The following MMP17 variants were observed in gnomAD, a reference collection of about 807,000 sequenced individuals.
MMP17 encodes the protein matrix metalloproteinase-17.
In MMP17, 54 loss-of-function variants were observed where a neutral mutation model predicts 49.1. The observed-to-expected ratio is 1.10, with a 90% confidence interval of 0.88 to 1.38. The LOEUF (loss-of-function observed/expected upper bound fraction) is 1.38. Among genes scored for constraint, MMP17 ranks in the 40% most tolerant of loss-of-function variants. The probability of loss-of-function intolerance (pLI) is 0.00; values close to 1 mark genes in which losing one functional copy is unlikely to be tolerated. For missense variants in MMP17, 837 were observed against 853.7 expected, an observed-to-expected ratio of 0.98 and a Z score of 0.24; for synonymous variants, 397 against 383.1, an observed-to-expected ratio of 1.04 and a Z score of -0.42.
chr12:131,848,969 G>A (rs768740902), intron 8 of MMP17, among the ~76,000 whole-genome samples: 3 of 152,148 alleles, frequency 2.0e-5, no homozygotes, highest in African/African-American at 7.2e-5. Context: ...TATTTTTGAC[G>A]TTTTGGGGAG....
chr12:131,846,365 T>G lies in MMP17; in HGVS notation c.1204+916T>G, dbSNP rs989710883. Among the ~76,000 whole-genome samples, 2 of 151,988 alleles carry G rather than the reference T, an allele frequency of 1.3e-5. No individual in the cohort carries two copies. Among genetic ancestry groups the G allele is most frequent in the Non-Finnish European group, 2.9e-5 (2 of 68,004 alleles). ...TTGATTCAGGTCCCCTAGTCCTGTT[T>G]GTTTTTTGTTTTTTGTTTTTTGTTT... On this transcript the variant is annotated intron_variant, in intron 8 of 9. Transcript: ENST00000360564. This position sits in a 1 kb window ranked among gnomAD's most constrained non-coding sequence, Gnocchi z 4.6.
At chr12:131,839,686 G>A (rs1028042920) in intron 3 of MMP17, among the ~76,000 whole-genome samples, 12 of 152,248 alleles carry the variant, frequency 7.9e-5, no homozygotes, top group East Asian at 5.8e-4. Flanking sequence ...GGTGGCTCAC[G>A]CCTGTAATCA....
At chr12:131,847,186 G>C (rs1887748309) in intron 8 of MMP17, among the ~76,000 whole-genome samples, 1 of 151,976 alleles carries the variant, frequency 6.6e-6, no homozygotes, top group African/African-American at 2.4e-5. Context: ...GCCGAGGCGG[G>C]CAGATTACAA....
rs1159089921 is a variant in MMP17 at position 131,844,555 on chromosome 12, G to A, written c.968+474G>A. 2.6e-5 allele frequency: 6 copies of A among 230,582 alleles called. No homozygotes were observed. In the East Asian group the frequency reaches 8.8e-4, roughly 34 times the overall value. 14.3% of individuals were successfully genotyped at this position (230,582 alleles called of 1,614,324 possible). On this transcript the variant is annotated intron_variant, in intron 6 of 9. Transcript: ENST00000360564. Reference sequence around the variant, plus strand: ...CCACAGCAACTGGATTCCCAGTGAAGTTGTCTTGAGAGCTGGTATTGCCAG... The same window carrying A: ...CCACAGCAACTGGATTCCCAGTGAAATTGTCTTGAGAGCTGGTATTGCCAG...
At chr12:131,835,536 C>A (rs1321976520) in intron 1 of MMP17, among the ~76,000 whole-genome samples, 1 of 152,216 alleles carries the variant, frequency 6.6e-6, no homozygotes, top group Admixed American at 6.5e-5. Context: ...CACCGTGAAC[C>A]CCACAGAGTA....
intron 1 of MMP17, among the ~76,000 whole-genome samples, chr12:131,832,705 G>A (rs995912255): frequency 8.5e-5 from 13 of 152,062 alleles, no homozygotes; most frequent in African/African-American, 1.2e-4. Context: ...GGGACAGGAC[G>A]GGGTGTGGAG....
At position 131,846,233 on chromosome 12, in the gene MMP17, C is replaced by T. The variant is rs1887696920; in HGVS notation, c.1204+784C>T. ...CTCTGGAGGCTGTCCCAGGCCTCTC[C>T]CACATCCAGTGTCACCCTCAGCCAC... On this transcript the variant is annotated intron_variant, in intron 8 of 9. Transcript: ENST00000360564. The surrounding 1 kb of genome is among the most constrained non-coding windows in gnomAD (Gnocchi z 4.6). 6.6e-6 allele frequency among the ~76,000 whole-genome samples: 1 copy of T among 152,288 alleles called. No homozygotes were observed. Among genetic ancestry groups the T allele is most frequent in the South Asian group, 2.1e-4 (1 of 4,818 alleles).
Position 131,851,308 on chromosome 12 carries a change from G to A in MMP17, c.*34G>A, listed in dbSNP as rs2136349079. 1.5e-6 allele frequency: 2 copies of A among 1,358,932 alleles called. No homozygotes were observed. Among genetic ancestry groups the A allele is most frequent in the East Asian group, 3.0e-5 (1 of 33,176 alleles). 84.2% of individuals were successfully genotyped at this position (1,358,932 alleles called of 1,614,324 possible). ...GCGAGCCCATGAGAGGACAGAGGCG[G>A]TGGGACAGCCTGGCCACAGAGGGCA... On this transcript the variant is annotated 3_prime_UTR_variant, in exon 10 of 10. Coordinates refer to ENST00000360564, the MANE Select transcript of MMP17 (RefSeq NM_016155.7).
chr12:131,845,586 T>C, intron 8 of MMP17, 137 bp downstream of exon 8: 2 of 1,213,944 alleles, frequency 1.6e-6, no homozygotes, highest in Non-Finnish European at 2.2e-6. Flanking sequence ...CTGGTTTGCT[T>C]GTGCACTCAG....
chr12:131,850,464 C>T (rs1312129493), intron 9 of MMP17, among the ~76,000 whole-genome samples: 1 of 152,242 alleles, frequency 6.6e-6, no homozygotes, highest in African/African-American at 2.4e-5. Context: ...TAGAAGAAAC[C>T]TCCCCACAGG....
At chr12:131,847,155 G>A (rs568947096) in intron 8 of MMP17, among the ~76,000 whole-genome samples, 2 of 150,866 alleles carry the variant, frequency 1.3e-5, no homozygotes, top group East Asian at 3.9e-4. Flanking sequence ...GCTCACGCCT[G>A]CAATCCCAGC....
At chr12:131,845,668 G>A (rs953377882) in intron 8 of MMP17, among the ~76,000 whole-genome samples, 3 of 152,220 alleles carry the variant, frequency 2.0e-5, no homozygotes, top group Admixed American at 6.5e-5. Context: ...AGGGCAAAAC[G>A]ATGGAAAGCC....
At position 131,832,444 on chromosome 12, in the gene MMP17, A is replaced by G. The variant is rs185674695; in HGVS notation, c.159+3791A>G. 5.2e-3 allele frequency among the ~76,000 whole-genome samples: 781 copies of G among 151,372 alleles called. 7 individuals are homozygous for G. Among genetic ancestry groups the G allele is most frequent in the African/African-American group, 0.018 (729 of 41,186 alleles). On this transcript the variant is annotated intron_variant, in intron 1 of 9. Transcript: ENST00000360564. ...GGCACTGCAGGGTGTTCCCTGACAC[A>G]GTGTCTTCCTGGGGGTTCCAGGGGC...
At chr12:131,847,007 G>A (rs997220571) in intron 8 of MMP17, among the ~76,000 whole-genome samples, 1 of 151,986 alleles carries the variant, frequency 6.6e-6, no homozygotes, top group Admixed American at 6.6e-5. Context: ...CAGCTACCTG[G>A]GAGGCTGAGG....
chr12:131,839,356 A>G (rs184184278), intron 3 of MMP17, among the ~76,000 whole-genome samples: 1 of 151,392 alleles, frequency 6.6e-6, no homozygotes, highest in African/African-American at 2.4e-5. Flanking sequence ...TTCGTCACCC[A>G]GGCTGGAGTG....
chr12:131,840,508 G>A, intron 3 of MMP17, 65 bp from the exon 4 acceptor site: 1 of 1,509,238 alleles, frequency 6.6e-7, no homozygotes, highest in Non-Finnish European at 8.9e-7. Flanking sequence ...GGCGTTCAGG[G>A]AACCTCGGCC....
chr12:131,840,437 C>A, intron 3 of MMP17, 136 bp from the exon 4 acceptor site: 1 of 891,058 alleles, frequency 1.1e-6, no homozygotes, highest in Non-Finnish European at 1.7e-6. Flanking sequence ...TGACTCCTGG[C>A]GTGGGGAGGA....
intron 1 of MMP17, among the ~76,000 whole-genome samples, chr12:131,835,706 G>C (rs1887051358): frequency 6.6e-6 from 1 of 152,226 alleles, no homozygotes; most frequent in South Asian, 2.1e-4. Context: ...ACCCTTCCCT[G>C]GTGAGGGGGC....
In MMP17 at chr12:131,840,361, G is replaced by A. The variant is rs1313208930; in HGVS notation, c.423-212G>A. Reference sequence around the variant, plus strand: ...GGCCTGGGGGTCTCAGCCTGCCTGGGCTCTCATTTCCCTCCCTCCGTCATC... The same window carrying A: ...GGCCTGGGGGTCTCAGCCTGCCTGGACTCTCATTTCCCTCCCTCCGTCATC... On this transcript the variant is annotated intron_variant, in intron 3 of 9. Coordinates refer to ENST00000360564, the MANE Select transcript of MMP17 (RefSeq NM_016155.7). 10 of 533,038 alleles carry A rather than the reference G, an allele frequency of 1.9e-5. No homozygotes were observed. The East Asian group carries it at 2.9e-4, about 16-fold the overall frequency. The allele number at this position is 533,038 out of a possible 1,614,324, so 33.0% of individuals were successfully genotyped here.
Sources: allele counts gnomAD v4.1 joint callset (sites outside exome capture counted in the v4.1 genomes callset), GRCh38; gene constraint gnomAD v4.1.1; non-coding constraint Gnocchi (gnomAD v3.1); transcripts MANE v1.5; gene names NCBI Gene and HGNC (gene_info 2026-07-23, HGNC 2026-07-21).